Variants in ADD1 observed in about 807,000 individuals in gnomAD.
ADD1 encodes alpha-adducin.
A neutral mutation model predicts 80.5 loss-of-function variants in ADD1; 24 were observed. That is an observed-to-expected ratio of 0.30 (90% CI 0.22 to 0.42). The LOEUF is 0.42. Ranked by LOEUF, ADD1 falls within the 10% of genes least tolerant of loss-of-function variation. The pLI is 1.00. For missense variants in ADD1, 948 were observed against 1,019.0 expected (o/e 0.93, Z 0.95); for synonymous variants, 373 against 393.8 (o/e 0.95, Z 0.63).
chr4:2,895,312 A>G (rs1488871998), intron 6 of ADD1, among the ~76,000 whole-genome samples: 1 of 152,154 alleles, frequency 6.6e-6, no homozygotes, highest in African/African-American at 2.4e-5. Context: ...GGGAGAGGTA[A>G]GATTTCAGGG....
Position 2,905,018 on chromosome 4 carries a change from G to A in ADD1, c.1416G>A (p.Val472=). The change falls in exon 10 of 16, where the codon GTG becomes GTA. Residue 472 remains valine, a synonymous_variant. Coordinates refer to ENST00000683351, the MANE Select transcript of ADD1 (RefSeq NM_001354761.2). ...GCAGTCCCAAGTCGAAGACTAAGGT[G>A]TGGACGAACATTACACACGATCACG... ...NGSSPKSKTK[V]WTNITHDHVK... 6.2e-7 allele frequency: 1 copy of A among 1,614,228 alleles called. No individual in the cohort carries two copies. The highest frequency in any genetic ancestry group is 8.5e-7 in the Non-Finnish European group (1 of 1,180,040).
At chr4:2,880,209 TA>T (rs1362147899) in intron 2 of ADD1, among the ~76,000 whole-genome samples, 8 of 152,276 alleles carry the variant, frequency 5.3e-5, no homozygotes, top group South Asian at 4.1e-4. Flanking sequence ...CATGGTTTGG[TA>T]AATAGGGGGT....
At chr4:2,845,362 C>A (rs998993563) in intron 1 of ADD1, among the ~76,000 whole-genome samples, 1 of 152,194 alleles carries the variant, frequency 6.6e-6, no homozygotes, top group South Asian at 2.1e-4. Context: ...TGAGCCACCG[C>A]GCCTGGCCTA....
chr4:2,856,647 T>G (rs1728119938), intron 1 of ADD1, among the ~76,000 whole-genome samples: 1 of 146,892 alleles, frequency 6.8e-6, no homozygotes, highest in South Asian at 2.2e-4. Context: ...GCTGGAGTGC[T>G]GTGGCATGAA....
rs1411128184 is a variant in ADD1, at chr4:2,929,584, C to G, written c.*1061C>G. ...TGCTGAGCAGGAACCGGAGGGTGACCCATTTCAGGAGGTGCCGGTACCAGC... is the reference window on the plus strand; with the variant it reads ...TGCTGAGCAGGAACCGGAGGGTGACGCATTTCAGGAGGTGCCGGTACCAGC... On this transcript the variant is annotated 3_prime_UTR_variant, in exon 16 of 16. Coordinates refer to ENST00000683351, the MANE Select transcript of ADD1 (RefSeq NM_001354761.2). 1.3e-5 allele frequency: 2 copies of G among 152,242 alleles called. No homozygotes were observed. Among genetic ancestry groups the G allele is most frequent in the Non-Finnish European group, 2.9e-5 (2 of 68,072 alleles). The allele number at this position is 152,242 out of a possible 1,614,324, so 9.4% of individuals were successfully genotyped here. A position where few individuals can be genotyped will look rare whatever the true frequency, so the allele number is the denominator to read the frequency against.
intron 4 of ADD1, among the ~76,000 whole-genome samples, chr4:2,885,766 C>T (rs541824859): frequency 2.8e-4 from 43 of 151,758 alleles, no homozygotes; most frequent in Non-Finnish European, 3.1e-4. Context: ...CCCGCCACCA[C>T]GCCTGGCTAA....
At chr4:2,845,312 C>G (rs1304687775) in intron 1 of ADD1, among the ~76,000 whole-genome samples, 1 of 152,160 alleles carries the variant, frequency 6.6e-6, no homozygotes, top group Non-Finnish European at 1.5e-5. Flanking sequence ...ACCTCGTGAT[C>G]CGTCCGCCTA....
intron 4 of ADD1, among the ~76,000 whole-genome samples, chr4:2,892,371 GA>G (rs1734433274): frequency 6.6e-6 from 1 of 152,146 alleles, no homozygotes. Flanking sequence ...GAATATTTTT[GA>G]GGGCAGGTCT....
chr4:2,846,184 A>G (rs1464478643), intron 1 of ADD1, among the ~76,000 whole-genome samples: 2 of 152,176 alleles, frequency 1.3e-5, no homozygotes, highest in Non-Finnish European at 2.9e-5. Flanking sequence ...ATCGATCCAC[A>G]TGCTATCTAT....
At chr4:2,885,822 G>C (rs568108673) in intron 4 of ADD1, among the ~76,000 whole-genome samples, 1 of 152,028 alleles carries the variant, frequency 6.6e-6, no homozygotes, top group South Asian at 2.1e-4. Context: ...GTGTTAGCCA[G>C]GATGGTCTCG....
At chr4:2,849,171 C>T (rs1726703446) in intron 1 of ADD1, among the ~76,000 whole-genome samples, 1 of 152,170 alleles carries the variant, frequency 6.6e-6, no homozygotes, top group Non-Finnish European at 1.5e-5. Context: ...CCCTATCTTA[C>T]ATGGTTATTG....
rs764111933 is a variant in ADD1 at position 2,926,646 on chromosome 4, C to T, written c.2047+534C>T. The T allele has an allele frequency of 9.9e-6, 16 of 1,613,800 alleles. No homozygotes were observed. The highest frequency in any genetic ancestry group is 8.8e-5 in the South Asian group (8 of 91,012). ...CTGTGGCTGCGTCACAAGCAGGAGA[C>T]GGATGCGCTAGAGAGTACCTGTTAC... On this transcript the variant is annotated intron_variant, in intron 15 of 15. Transcript: ENST00000683351. The surrounding 1 kb of genome is among the most constrained non-coding windows in gnomAD (Gnocchi z 5.0).
intron 1 of ADD1, among the ~76,000 whole-genome samples, chr4:2,852,662 G>GTGT (rs1040169055): frequency 1.1e-5 from 1 of 94,288 alleles, no homozygotes; most frequent in Non-Finnish European, 2.2e-5. Context: ...TCTGTACTAG[G>GTGT]TGTTTTCTGT....
At chr4:2,854,446 A>T (rs922116476) in intron 1 of ADD1, among the ~76,000 whole-genome samples, 2 of 152,124 alleles carry the variant, frequency 1.3e-5, no homozygotes, top group Admixed American at 6.5e-5. Context: ...CATATTTCCT[A>T]TTTACTGTTA....
intron 14 of ADD1, among the ~76,000 whole-genome samples, chr4:2,917,916 G>A (rs140801623): frequency 0.019 from 2,954 of 152,248 alleles, 60 homozygotes; most frequent in African/African-American, 0.046. Flanking sequence ...TGCTGTTTTG[G>A]TTACTGTAGC....
At chr4:2,905,478 T>C (rs1270896743) in intron 10 of ADD1, 1 of 221,424 alleles carries the variant, frequency 4.5e-6, no homozygotes, top group Non-Finnish European at 9.0e-6. Flanking sequence ...TAAACCTGTA[T>C]TTTAGTGTTG....
Position 2,916,556 on chromosome 4 carries a change from T to C in ADD1, c.1948+1516T>C, listed in dbSNP as rs941928633. On this transcript the variant is annotated intron_variant, in intron 14 of 15. Transcript: ENST00000683351. ...TCTTTTTTTTAAATTAATTATACTTTAAGTTTTGGGATACATGTACAGAAC... is the reference window on the plus strand; with the variant it reads ...TCTTTTTTTTAAATTAATTATACTTCAAGTTTTGGGATACATGTACAGAAC... Among the ~76,000 whole-genome samples, 7 of 152,278 alleles carry C rather than the reference T, an allele frequency of 4.6e-5. No individual in the cohort carries two copies. In the East Asian group the frequency reaches 9.6e-4, roughly 21 times the overall value.
At position 2,926,244 on chromosome 4, in the gene ADD1, C is replaced by G. The variant is rs1419466751; in HGVS notation, c.2047+132C>G. 1.3e-6 allele frequency: 1 copy of G among 796,852 alleles called. No individual in the cohort carries two copies. The highest frequency in any genetic ancestry group is 2.2e-6 in the Non-Finnish European group (1 of 458,816). The allele number at this position is 796,852 out of a possible 1,614,324, so 49.4% of individuals were successfully genotyped here. A position where few individuals can be genotyped will look rare whatever the true frequency, so the allele number is the denominator to read the frequency against. On this transcript the variant is annotated intron_variant, in intron 15 of 15. Transcript: ENST00000683351. The surrounding 1 kb of genome is among the most constrained non-coding windows in gnomAD (Gnocchi z 5.0). Reference sequence around the variant, plus strand: ...CTTGCATCAGCGCCAGGACGTGACACCTTTCTCCTCCTATATTGCTTCTGT... The same window carrying G: ...CTTGCATCAGCGCCAGGACGTGACAGCTTTCTCCTCCTATATTGCTTCTGT...
Position 2,923,254 on chromosome 4 carries a change from G to C in ADD1, c.1949-2760G>C, listed in dbSNP as rs1031210151. On this transcript the variant is annotated intron_variant, in intron 14 of 15. Coordinates refer to ENST00000683351, the MANE Select transcript of ADD1 (RefSeq NM_001354761.2). ...TGCCCAGTTTTGTGCTTGAAACCCA[G>C]GGTCCTGGTGTCATGGGCAGCCAAG... Among the ~76,000 whole-genome samples the C allele has an allele frequency of 4.6e-5, 7 of 152,356 alleles. No individual in the cohort carries two copies. In the South Asian group the frequency reaches 1.2e-3, roughly 27 times the overall value.
Sources: allele counts gnomAD v4.1 joint callset (sites outside exome capture counted in the v4.1 genomes callset), GRCh38; gene constraint gnomAD v4.1.1; non-coding constraint Gnocchi (gnomAD v3.1); transcripts MANE v1.5; gene names NCBI Gene and HGNC (gene_info 2026-07-23, HGNC 2026-07-21).